MRE11: variants seen among roughly 807,000 people sequenced by gnomAD.
MRE11 encodes the protein MRE11 double strand break repair nuclease.
A neutral mutation model predicts 91.7 loss-of-function variants in MRE11; 62 were observed. The observed-to-expected ratio is 0.68, with a 90% CI of 0.55 to 0.84. MRE11 has a LOEUF of 0.84. Among genes scored for constraint, MRE11 ranks in the 40% least tolerant of loss-of-function variants. The pLI is 0.00. For synonymous variants in MRE11, 273 were observed against 271.4 expected (o/e 1.01, Z -0.06); for missense variants, 796 against 852.9 (o/e 0.93, Z 0.83).
intron 19 of MRE11, among the ~76,000 whole-genome samples, chr11:94,428,707 C>A (rs1404895689): frequency 2.0e-5 from 3 of 151,804 alleles, no homozygotes; most frequent in African/African-American, 7.3e-5. Flanking sequence ...ACTAAAGATT[C>A]AAAAAATTAG....
At position 94,476,291 on chromosome 11, in the gene MRE11, GT is replaced by G. The variant is rs1179398278; in HGVS notation, c.656del (p.Asn219ThrfsTer33). On this transcript the variant is annotated frameshift_variant, in exon 7 of 20. Coordinates refer to ENST00000323929, the MANE Select transcript of MRE11 (RefSeq NM_005591.4). LOFTEE classifies it high-confidence loss of function. The part of the protein sequence containing the change: ...SWFNLFVIHQ[N>X]RSKHGSTNFI... ...ACTTTTTCAGAGAAAAGTTTTACCTGTTCTGATGAATCACAAATAAGTTAAA... is the reference window on the plus strand; with the variant it reads ...ACTTTTTCAGAGAAAAGTTTTACCTGTCTGATGAATCACAAATAAGTTAAA... 1 of 1,603,936 alleles carries G rather than the reference GT, an allele frequency of 6.2e-7. No homozygotes were observed. Among genetic ancestry groups the G allele is most frequent in the East Asian group, 2.2e-5 (1 of 44,790 alleles).
intron 9 of MRE11, among the ~76,000 whole-genome samples, chr11:94,469,254 T>A (rs537222066): frequency 6.6e-6 from 1 of 152,202 alleles, no homozygotes; most frequent in East Asian, 1.9e-4. Context: ...TCTAAGGACA[T>A]TTGGCAAGGT....
intron 3 of MRE11, among the ~76,000 whole-genome samples, chr11:94,489,966 C>T (rs1947244236): frequency 6.6e-6 from 1 of 152,182 alleles, no homozygotes; most frequent in Admixed American, 6.5e-5. Context: ...CTCATCCCCA[C>T]CCCGCTACAA....
In MRE11 at chr11:94,447,428, C is replaced by T. The variant is rs773275841; in HGVS notation, c.1574G>A (p.Arg525Lys). 41 of 1,613,892 alleles carry T rather than the reference C, an allele frequency of 2.5e-5. No homozygotes were observed. The highest frequency in any genetic ancestry group is 3.1e-5 in the Non-Finnish European group (37 of 1,179,930). ...EDDEVREAMTRARALRSQSEE... is the reference protein window; with the variant it reads ...EDDEVREAMTKARALRSQSEE... ...TGACTGAGATCTGAGTGCTCTGGCC[C>T]TGGTCATAGCCTAAGAGGGAGAAGA... Residue 525 changes from arginine to lysine, a missense_variant, in exon 15 of 20, where the codon AGG (arginine) becomes AAG (lysine). Coordinates refer to ENST00000323929, the MANE Select transcript of MRE11 (RefSeq NM_005591.4).
In MRE11 at chr11:94,467,892, A is replaced by C; in HGVS notation, c.1019T>G (p.Ile340Ser). 1 of 1,613,228 alleles carries C rather than the reference A, an allele frequency of 6.2e-7. No homozygotes were observed. Reference sequence around the variant, plus strand: ...TTCAGCATTTTCAAGCATTTCTTCAATCTCAAAATTTTTAAAAAGATTAAA... The same window carrying C: ...TTCAGCATTTTCAAGCATTTCTTCACTCTCAAAATTTTTAAAAAGATTAAA... ...QAIQSFCLEK[I>S]EEMLENAERE... is the part of the protein sequence containing the mutation. Residue 340 changes from isoleucine to serine, a missense_variant and splice_region_variant, in exon 10 of 20, where the codon ATT becomes AGT. Physicochemically the swap from Ile to Ser is moderately radical, Grantham distance 142. Coordinates refer to ENST00000323929, the MANE Select transcript of MRE11 (RefSeq NM_005591.4).
intron 9 of MRE11, 60 bp downstream of exon 9, chr11:94,470,411 T>C (rs1946673728): frequency 2.6e-6 from 4 of 1,522,078 alleles, no homozygotes; most frequent in African/African-American, 2.7e-5. Context: ...AATTACTTAA[T>C]TGAAGGTGAA....
chr11:94,481,294 G>A (rs752477194), intron 4 of MRE11, among the ~76,000 whole-genome samples: 2 of 151,778 alleles, frequency 1.3e-5, no homozygotes, highest in Non-Finnish European at 2.9e-5. Flanking sequence ...GGGCGACAAA[G>A]CAAGACTCTG....
the MRE11 span, among the ~76,000 whole-genome samples, chr11:94,508,763 CT>C: frequency 0.042 from 5,886 of 138,992 alleles, 280 homozygotes; most frequent in African/African-American, 0.12. Flanking sequence ...CTACATTTAC[CT>C]TTTTTTTTTT....
At chr11:94,484,740 C>T (rs556235710) in intron 4 of MRE11, among the ~76,000 whole-genome samples, 2 of 152,220 alleles carry the variant, frequency 1.3e-5, no homozygotes, top group African/African-American at 4.8e-5. Context: ...ACCTGTAATC[C>T]CAATCTAATC....
At chr11:94,484,208 G>GA (rs377475192) in intron 4 of MRE11, among the ~76,000 whole-genome samples, 233 of 149,152 alleles carry the variant, frequency 1.6e-3, no homozygotes, top group African/African-American at 5.3e-3. Flanking sequence ...TAACCCAAAG[G>GA]AAAAAAAAAT....
At chr11:94,463,999 A>ACT in intron 11 of MRE11, 114 bp downstream of exon 11, 3 of 1,175,128 alleles carry the variant, frequency 2.6e-6, no homozygotes, top group South Asian at 1.4e-5. Flanking sequence ...AATTTGTTTA[A>ACT]GACATTACAA....
In MRE11 at chr11:94,435,883, T is replaced by C; in HGVS notation, c.1943A>G (p.Glu648Gly). 6.2e-7 allele frequency: 1 copy of C among 1,613,896 alleles called. No individual in the cohort carries two copies. The highest frequency in any genetic ancestry group is 8.5e-7 in the Non-Finnish European group (1 of 1,179,890). ...KNYSEVIEVD[E>G]SDVEEDIFPT... Reference sequence around the variant, plus strand: ...AAAAATGTCTTCTTCCACATCTGATTCATCTACCTCAATCACCTGGCAAGG... The same window carrying C: ...AAAAATGTCTTCTTCCACATCTGATCCATCTACCTCAATCACCTGGCAAGG... The change falls in exon 18 of 20, where the codon GAA becomes GGA. Residue 648 changes from glutamate (E) to glycine (G), a missense_variant. Coordinates refer to ENST00000323929, the MANE Select transcript of MRE11 (RefSeq NM_005591.4).
At chr11:94,477,397 A>G (rs760624278) in intron 6 of MRE11, among the ~76,000 whole-genome samples, 17 of 152,238 alleles carry the variant, frequency 1.1e-4, no homozygotes, top group Non-Finnish European at 1.9e-4. Context: ...ACAAGTCAAC[A>G]AAATAGTTAC....
rs1273700612 is a variant in MRE11 at position 94,479,725 on chromosome 11, G to A, written c.351C>T (p.Asn117=). The change falls in exon 5 of 20, where the codon AAC becomes AAT. Residue 117 remains asparagine (N), a synonymous_variant. Coordinates refer to ENST00000323929, the MANE Select transcript of MRE11 (RefSeq NM_005591.4). ...PWVNYQDGNL[N]ISIPVFSIHG... is the part of the protein sequence containing the mutation. ...GAATACTAAACACTGGAATTGAAAT[G>A]TTGAGGTTGCCATCTTGATAGTTCA... The A allele has an allele frequency of 5.0e-6, 8 of 1,612,746 alleles. No homozygotes were observed. The highest frequency in any genetic ancestry group is 6.8e-6 in the Non-Finnish European group (8 of 1,179,640).
At position 94,421,997 on chromosome 11, in the gene MRE11, C is replaced by T. The variant is rs13447725; in HGVS notation, c.2071-1816G>A. Reference sequence around the variant, plus strand: ...ATCTGTTTAATATGGATCTATTTAACACTACTGAACTGTACACTTAATAAT... The same window carrying T: ...ATCTGTTTAATATGGATCTATTTAATACTACTGAACTGTACACTTAATAAT... On this transcript the variant is annotated intron_variant, in intron 19 of 19. Transcript: ENST00000323929. Among the ~76,000 whole-genome samples, 837 of 152,236 alleles carry T rather than the reference C, an allele frequency of 5.5e-3. 14 individuals carry two copies. The highest frequency in any genetic ancestry group is 0.019 in the African/African-American group (800 of 41,544).
At chr11:94,432,867 T>C (rs979258169) in intron 18 of MRE11, among the ~76,000 whole-genome samples, 1 of 152,166 alleles carries the variant, frequency 6.6e-6, no homozygotes, top group Non-Finnish European at 1.5e-5. Flanking sequence ...GAGTTCTGAA[T>C]TCACACATTC....
At chr11:94,497,590 AG>A (rs1368098060), upstream of MRE11, 7 of 156,660 alleles carry the variant, frequency 4.5e-5, no homozygotes, top group African/African-American at 1.7e-4. Flanking sequence ...TGTATTGAGA[AG>A]GAATTGAGCT....
At chr11:94,508,420 T>C in the MRE11 span, among the ~76,000 whole-genome samples, 1 of 152,232 alleles carries the variant, frequency 6.6e-6, no homozygotes, top group African/African-American at 2.4e-5. Flanking sequence ...TTACCTTTAG[T>C]GCTATTTTGA....
Position 94,435,865 on chromosome 11 carries a change from T to C in MRE11, c.1961A>G (p.Asp654Gly), listed in dbSNP as rs1208735267. ...IEVDESDVEE[D>G]IFPTTSKTDQ... ...TGTCTTTGAAGTGGTAGGAAAAATGTCTTCTTCCACATCTGATTCATCTAC... is the reference window on the plus strand; with the variant it reads ...TGTCTTTGAAGTGGTAGGAAAAATGCCTTCTTCCACATCTGATTCATCTAC... The change falls in exon 18 of 20, where the codon GAC (aspartate) becomes GGC (glycine). Residue 654 changes from aspartate to glycine, a missense_variant. Coordinates refer to ENST00000323929, the MANE Select transcript of MRE11 (RefSeq NM_005591.4). The C allele has an allele frequency of 6.2e-7, 1 of 1,613,962 alleles. No homozygotes were observed. The highest frequency in any genetic ancestry group is 2.2e-5 in the East Asian group (1 of 44,862).
Sources: allele counts gnomAD v4.1 joint callset (sites outside exome capture counted in the v4.1 genomes callset), GRCh38; gene constraint gnomAD v4.1.1; transcripts MANE v1.5; gene names NCBI Gene and HGNC (gene_info 2026-07-23, HGNC 2026-07-21).